Variants in MTAP observed in about 807,000 individuals in gnomAD.
MTAP encodes the protein methylthioadenosine phosphorylase, also known as S-methyl-5'-thioadenosine phosphorylase.
In MTAP, 33 loss-of-function variants were observed where a neutral mutation model predicts 33.6. The ratio of observed to expected loss-of-function variants is 0.98; its 90% CI spans 0.74 to 1.31. The LOEUF is 1.31. MTAP is among the 40% of genes most tolerant of loss of function. The probability of loss-of-function intolerance (pLI) is 0.00; values close to 1 mark genes in which losing one functional copy is unlikely to be tolerated. For synonymous variants in MTAP, 148 were observed against 125.7 expected, an observed-to-expected ratio of 1.18 and a Z score of -1.19; for missense variants, 367 against 360.0, an observed-to-expected ratio of 1.02 and a Z score of -0.16.
chr9:21,839,731 T>C (rs909704266), intron 5 of MTAP, among the ~76,000 whole-genome samples: 1 of 152,242 alleles, frequency 6.6e-6, no homozygotes, highest in Non-Finnish European at 1.5e-5. Context: ...ACATGATCTT[T>C]CATGTACTGA....
In MTAP at chr9:21,886,638, G is replaced by C. The variant is rs555451704; in HGVS notation, c.147+31768G>C. Among the ~76,000 whole-genome samples, 113 of 152,280 alleles carry C rather than the reference G, an allele frequency of 7.4e-4. 1 individual carries two copies. The highest frequency in any genetic ancestry group is 1.1e-3 in the Non-Finnish European group (77 of 68,016). On this transcript the variant is annotated intron_variant, in intron 1 of 1. Coordinates refer to the MTAP transcript ENST00000577563. ...GCATAAAGTGAGAGGTGAGGATCCA[G>C]TTTCATTCTTCTATGTGGCTTGCTA...
In MTAP at chr9:21,802,691, C is replaced by G. The variant is rs1193550994; in HGVS notation, c.-58C>G. The G allele has an allele frequency of 5.7e-6, 9 of 1,582,148 alleles. No homozygotes were observed. Among genetic ancestry groups the G allele is most frequent in the African/African-American group, 2.7e-5 (2 of 73,912 alleles). On this transcript the variant is annotated 5_prime_UTR_variant, in exon 1 of 8. Coordinates refer to ENST00000644715, the MANE Select transcript of MTAP (RefSeq NM_002451.4). ...TTGGCACAGCCACCGCTCTGTGGCTCGCTTGGTTCCCTTAGTCCCGAGCGC... is the reference window on the plus strand; with the variant it reads ...TTGGCACAGCCACCGCTCTGTGGCTGGCTTGGTTCCCTTAGTCCCGAGCGC...
rs1355120136 is a variant in MTAP, at chr9:21,864,512, G to A, written c.*2498G>A. ...GATTTGCATGTACATAGAAGTCTTTGTTGGCCTTATAATCTGCTGTTATAT... is the reference window on the plus strand; with the variant it reads ...GATTTGCATGTACATAGAAGTCTTTATTGGCCTTATAATCTGCTGTTATAT... On this transcript the variant is annotated 3_prime_UTR_variant, in exon 8 of 8. Coordinates refer to ENST00000644715, the MANE Select transcript of MTAP (RefSeq NM_002451.4). 2 of 985,254 alleles carry A rather than the reference G, an allele frequency of 2.0e-6. No homozygotes were observed. Among genetic ancestry groups the A allele is most frequent in the Admixed American group, 6.2e-5 (1 of 16,258 alleles). 61.0% of individuals were successfully genotyped at this position (985,254 alleles called of 1,614,324 possible).
intron 4 of MTAP, among the ~76,000 whole-genome samples, chr9:21,829,820 T>G (rs186886919): frequency 1.1e-3 from 172 of 152,332 alleles, no homozygotes; most frequent in African/African-American, 4.0e-3. Flanking sequence ...TTTAGGGTTG[T>G]TTTTAGAAAC....
chr9:21,915,021 T>TCCCTCCCTCCCTCCCTCCCTCCC (rs1563869363), intron 1 of MTAP, among the ~76,000 whole-genome samples: 7 of 98,962 alleles, frequency 7.1e-5, no homozygotes, highest in African/African-American at 1.2e-4. Context: ...CCTTCCTTCC[T>TCCCTCCCTCCCTCCCTCCCTCCC]TCCTTCCTTC....
chr9:21,911,109 A>G (rs1446533257), intron 1 of MTAP, among the ~76,000 whole-genome samples: 2 of 152,222 alleles, frequency 1.3e-5, no homozygotes, highest in Non-Finnish European at 2.9e-5. Flanking sequence ...CACCCAATAC[A>G]GGAGCACTCA....
intron 6 of MTAP, chr9:21,856,346 C>T (rs1309844071): frequency 1.0e-5 from 2 of 192,702 alleles, no homozygotes; most frequent in African/African-American, 2.4e-5. Flanking sequence ...TTCATGAATT[C>T]CTTATGATGA....
chr9:21,833,731 G>A (rs1377397923), intron 4 of MTAP, among the ~76,000 whole-genome samples: 1 of 152,212 alleles, frequency 6.6e-6, no homozygotes, highest in East Asian at 1.9e-4. Context: ...TGTCCTCAGA[G>A]GTCGATGATT....
rs912729875 is a variant in MTAP, at chr9:21,815,523, A to C, written c.120+4A>C. 6.3e-7 allele frequency: 1 copy of C among 1,588,004 alleles called. No homozygotes were observed. The highest frequency in any genetic ancestry group is 1.3e-5 in the African/African-American group (1 of 74,238). ...TGTGGATACTCCATTTGGCAAGGTT[A>C]ATATCCAACTTGTGGAGACATGTTT... On this transcript the variant is annotated splice_donor_region_variant and intron_variant, in intron 2 of 7. Transcript: ENST00000644715.
At chr9:21,905,742 C>T (rs1260823903) in intron 1 of MTAP, among the ~76,000 whole-genome samples, 2 of 152,144 alleles carry the variant, frequency 1.3e-5, no homozygotes, top group Non-Finnish European at 2.9e-5. Context: ...ATACCTGCTG[C>T]TCCCTGATGG....
intron 4 of MTAP, among the ~76,000 whole-genome samples, chr9:21,826,873 C>G (rs957997951): frequency 6.6e-6 from 1 of 152,012 alleles, no homozygotes; most frequent in Non-Finnish European, 1.5e-5. Context: ...CACCTGAGCT[C>G]CCCATCCTGT....
intron 1 of MTAP, among the ~76,000 whole-genome samples, chr9:21,875,391 T>C (rs896801840): frequency 1.3e-5 from 2 of 152,192 alleles, no homozygotes; most frequent in African/African-American, 4.8e-5. Context: ...CATAAATGTC[T>C]TCTTTTGAGA....
At chr9:21,916,564 C>T (rs1818697428) in intron 1 of MTAP, among the ~76,000 whole-genome samples, 1 of 151,860 alleles carries the variant, frequency 6.6e-6, no homozygotes, top group Non-Finnish European at 1.5e-5. Context: ...GAGCCGAGAT[C>T]ATGCCACTGC....
At chr9:21,888,407 G>A (rs569088864) in intron 1 of MTAP, among the ~76,000 whole-genome samples, 96 of 152,252 alleles carry the variant, frequency 6.3e-4, no homozygotes, top group Non-Finnish European at 9.9e-4. Flanking sequence ...GTCTAGTGCT[G>A]TCAGTGAAGT....
chr9:21,819,761 T>G (rs1824582785), intron 4 of MTAP, among the ~76,000 whole-genome samples: 1 of 152,228 alleles, frequency 6.6e-6, no homozygotes, highest in Non-Finnish European at 1.5e-5. Context: ...CCACCAGCAG[T>G]GTAAAAGTGT....
chr9:21,920,898 A>G (rs923175738), intron 1 of MTAP, among the ~76,000 whole-genome samples: 1 of 152,230 alleles, frequency 6.6e-6, no homozygotes, highest in Admixed American at 6.5e-5. Flanking sequence ...TCTTTGTCCA[A>G]TTTTGGTATC....
intron 1 of MTAP, among the ~76,000 whole-genome samples, chr9:21,912,749 T>C (rs981955124): frequency 6.6e-6 from 1 of 152,134 alleles, no homozygotes; most frequent in Admixed American, 6.5e-5. Context: ...CTCTCACCAC[T>C]CCTATTCAAC....
rs1171818603 is a variant in MTAP at position 21,862,278 on chromosome 9, C to G, written c.*264C>G. 2.9e-6 allele frequency: 2 copies of G among 693,604 alleles called. No homozygotes were observed. Among genetic ancestry groups the G allele is most frequent in the East Asian group, 4.5e-5 (1 of 21,996 alleles). 43.0% of individuals were successfully genotyped at this position (693,604 alleles called of 1,614,324 possible). The stretch of plus-strand genomic sequence containing the variant: ...TTTTAAGGGGGAAAAAAAAACCCAC[C>G]ATTCTCTTCTCCCCCTATTAAATTT... On this transcript the variant is annotated 3_prime_UTR_variant, in exon 8 of 8. Coordinates refer to ENST00000644715, the MANE Select transcript of MTAP (RefSeq NM_002451.4).
chr9:21,899,821 C>A (rs955455646), intron 1 of MTAP, among the ~76,000 whole-genome samples: 2 of 152,058 alleles, frequency 1.3e-5, no homozygotes, highest in Non-Finnish European at 2.9e-5. Context: ...AGTACTGGTA[C>A]AAAAACAGAA....
Sources: allele counts gnomAD v4.1 joint callset (sites outside exome capture counted in the v4.1 genomes callset), GRCh38; gene constraint gnomAD v4.1.1; transcripts MANE v1.5; gene names NCBI Gene and HGNC (gene_info 2026-07-23, HGNC 2026-07-21).